Variants in DYNC1I1 observed in about 807,000 individuals in gnomAD.
DYNC1I1 encodes the protein dynein cytoplasmic 1 intermediate chain 1, also known as cytoplasmic dynein 1 intermediate chain 1.
Under a neutral mutation model 86.6 loss-of-function variants are expected in DYNC1I1, and 43 were observed. That is an observed-to-expected ratio of 0.50 (90% CI 0.39 to 0.64). The LOEUF (loss-of-function observed/expected upper bound fraction) is 0.64, where lower values mean the gene tolerates loss of function less well. Among genes scored for constraint, DYNC1I1 ranks in the 30% least tolerant of loss-of-function variants. The pLI, the probability that DYNC1I1 is intolerant of heterozygous loss-of-function variation, is 0.00. For missense variants in DYNC1I1, 604 were observed against 788.8 expected, an observed-to-expected ratio of 0.77 and a Z score of 2.81; for synonymous variants, 262 against 283.7, an observed-to-expected ratio of 0.92 and a Z score of 0.77.
Position 96,038,534 on chromosome 7 carries a change from T to A in DYNC1I1, c.1365-743T>A, listed in dbSNP as rs572931543. ...TCTGTTTTAAAAAAGGACTGAGACA[T>A]AAGTTTGTCTCTTTTTCTTAGCTAG... On this transcript the variant is annotated intron_variant, in intron 13 of 16. Transcript: ENST00000447467. Among the ~76,000 whole-genome samples, 20 of 152,326 alleles carry A rather than the reference T, an allele frequency of 1.3e-4. No homozygotes were observed. The East Asian group carries it at 3.9e-3, about 29-fold the overall frequency.
chr7:96,095,316 T>A (rs1416806804), intron 16 of DYNC1I1, among the ~76,000 whole-genome samples: 1 of 152,200 alleles, frequency 6.6e-6, no homozygotes, highest in Non-Finnish European at 1.5e-5. Flanking sequence ...AGTCTTGCCA[T>A]GACTACTACA....
At chr7:95,876,256 T>G (rs1490256564) in intron 6 of DYNC1I1, among the ~76,000 whole-genome samples, 2 of 152,180 alleles carry the variant, frequency 1.3e-5, no homozygotes, top group Non-Finnish European at 2.9e-5. Flanking sequence ...TCCGAAATGC[T>G]CCTATCTGGA....
intron 5 of DYNC1I1, among the ~76,000 whole-genome samples, chr7:95,849,384 G>A (rs1203129149): frequency 1.3e-5 from 2 of 152,140 alleles, no homozygotes; most frequent in East Asian, 1.9e-4. Flanking sequence ...TTTTGAGGGA[G>A]TTTTTTGGAT....
chr7:96,061,713 C>CACAT (rs1789781473), intron 14 of DYNC1I1, among the ~76,000 whole-genome samples: 1 of 67,216 alleles, frequency 1.5e-5, no homozygotes, highest in South Asian at 3.4e-4. Context: ...CTCTCTCTCT[C>CACAT]ACACACACAC....
intron 10 of DYNC1I1, among the ~76,000 whole-genome samples, chr7:96,025,080 T>A (rs1794644911): frequency 6.6e-6 from 1 of 152,162 alleles, no homozygotes; most frequent in Non-Finnish European, 1.5e-5. Context: ...AGGAAACTTT[T>A]GGATGAAAAA....
At position 95,849,326 on chromosome 7, in the gene DYNC1I1, A is replaced by T. The variant is rs139863743; in HGVS notation, c.375-20557A>T. ...AACAATGTCACGGAGCTTTCTTGTTAGGTTTTCTTATAGTAGTTTCATATT... is the reference window on the plus strand; with the variant it reads ...AACAATGTCACGGAGCTTTCTTGTTTGGTTTTCTTATAGTAGTTTCATATT... On this transcript the variant is annotated intron_variant, in intron 5 of 16. Coordinates refer to ENST00000447467, the MANE Select transcript of DYNC1I1 (RefSeq NM_001135556.2). 3.3e-5 allele frequency among the ~76,000 whole-genome samples: 5 copies of T among 152,188 alleles called. No homozygotes were observed. The East Asian group carries it at 9.7e-4, about 29-fold the overall frequency.
intron 14 of DYNC1I1, among the ~76,000 whole-genome samples, chr7:96,057,065 G>A (rs1484035492): frequency 2.6e-5 from 4 of 152,148 alleles, no homozygotes; most frequent in African/African-American, 9.7e-5. Context: ...GCACATAAAT[G>A]TCCAGGGGCA....
At chr7:96,052,403 A>G (rs568879777) in intron 14 of DYNC1I1, among the ~76,000 whole-genome samples, 73 of 152,218 alleles carry the variant, frequency 4.8e-4, no homozygotes, top group African/African-American at 1.7e-3. Context: ...GTATGGAAAA[A>G]CACAGACACA....
intron 5 of DYNC1I1, among the ~76,000 whole-genome samples, chr7:95,836,225 C>T (rs1322241568): frequency 1.3e-4 from 20 of 152,044 alleles, no homozygotes; most frequent in African/African-American, 3.9e-4. Context: ...TTCTCCTTCA[C>T]TTATGAAGCT....
intron 6 of DYNC1I1, among the ~76,000 whole-genome samples, chr7:95,973,477 T>C (rs981934376): frequency 6.6e-6 from 1 of 152,226 alleles, no homozygotes; most frequent in Non-Finnish European, 1.5e-5. Flanking sequence ...TTTTTCACAG[T>C]TTCTCATTAT....
chr7:96,032,275 C>G (rs938440070), intron 11 of DYNC1I1, among the ~76,000 whole-genome samples: 1 of 152,104 alleles, frequency 6.6e-6, no homozygotes, highest in African/African-American at 2.4e-5. Flanking sequence ...GTCAGTAGTT[C>G]TACCCTTTTG....
At chr7:95,921,691 G>GCACCACA (rs912947400) in intron 6 of DYNC1I1, among the ~76,000 whole-genome samples, 21 of 152,312 alleles carry the variant, frequency 1.4e-4, no homozygotes, top group Admixed American at 5.2e-4. Flanking sequence ...TTATGAGCGT[G>GCACCACA]TTGACTGACC....
intron 6 of DYNC1I1, among the ~76,000 whole-genome samples, chr7:95,909,236 A>AGGGGGGGGG (rs1476037005): frequency 2.7e-4 from 1 of 3,756 alleles, no homozygotes; most frequent in Non-Finnish European, 4.5e-4. Flanking sequence ...GGAGGGTGGG[A>AGGGGGGGGG]GGGGGGTGGG....
At chr7:96,034,088 C>A (rs552913308) in intron 12 of DYNC1I1, among the ~76,000 whole-genome samples, 81 of 152,082 alleles carry the variant, frequency 5.3e-4, no homozygotes, top group Admixed American at 2.0e-3. Context: ...CTGTGAAGAA[C>A]CAACCTCCTT....
chr7:95,983,148 C>T (rs1000701688), intron 7 of DYNC1I1, among the ~76,000 whole-genome samples: 2 of 152,150 alleles, frequency 1.3e-5, no homozygotes, highest in African/African-American at 4.8e-5. Flanking sequence ...TTCCCCACTA[C>T]CTAGCCTAAG....
chr7:96,097,379 C>A, intron 16 of DYNC1I1, 104 bp from the exon 17 acceptor site: 1 of 1,235,240 alleles, frequency 8.1e-7, no homozygotes, highest in Non-Finnish European at 1.1e-6. Context: ...AGGGAAACAT[C>A]TGCTTTGGAG....
intron 1 of DYNC1I1, among the ~76,000 whole-genome samples, chr7:95,776,681 A>G (rs939193886): frequency 6.6e-6 from 1 of 152,212 alleles, no homozygotes; most frequent in African/African-American, 2.4e-5. Flanking sequence ...GTTCTTGGCT[A>G]TCAGGACATT....
chr7:95,820,885 A>G (rs1795059952), intron 4 of DYNC1I1, among the ~76,000 whole-genome samples: 1 of 152,236 alleles, frequency 6.6e-6, no homozygotes, highest in African/African-American at 2.4e-5. Context: ...GCCAGTGGTC[A>G]GCATTTTTAT....
At chr7:95,779,997 A>T (rs991439118) in intron 1 of DYNC1I1, among the ~76,000 whole-genome samples, 2 of 152,060 alleles carry the variant, frequency 1.3e-5, no homozygotes, top group African/African-American at 4.8e-5. Context: ...CATGGTTTGA[A>T]TCTGGTGTTT....
Sources: gnomAD v4.1 joint callset for allele counts (sites outside exome capture counted in the v4.1 genomes callset) on GRCh38, gnomAD v4.1.1 for gene constraint, MANE v1.5 for transcripts, NCBI Gene and HGNC (gene_info 2026-07-23, HGNC 2026-07-21) for gene names.